Variants in DHX29 observed in about 807,000 individuals in gnomAD.
DHX29 encodes ATP-dependent RNA helicase DHX29.
DHX29 carries 79 observed loss-of-function variants against 167.9 expected under a neutral mutation model. The observed-to-expected ratio is 0.47, with a 90% CI of 0.39 to 0.57. The LOEUF is 0.57. Among genes scored for constraint, DHX29 ranks in the 20% least tolerant of loss-of-function variants. DHX29 has a pLI of 0.00. For missense variants in DHX29, 1,347 were observed against 1,593.4 expected, an observed-to-expected ratio of 0.85 and a Z score of 2.63; for synonymous variants, 530 against 546.0, an observed-to-expected ratio of 0.97 and a Z score of 0.41.
At chr5:55,266,668 C>A (rs751668980) in intron 23 of DHX29, among the ~76,000 whole-genome samples, 5 of 151,794 alleles carry the variant, frequency 3.3e-5, no homozygotes, top group Non-Finnish European at 5.9e-5. Flanking sequence ...TCACTCTGTA[C>A]ATAGTGGTAC....
At chr5:55,287,135 C>T (rs938431692) in intron 8 of DHX29, among the ~76,000 whole-genome samples, 1 of 152,164 alleles carries the variant, frequency 6.6e-6, no homozygotes, top group Non-Finnish European at 1.5e-5. Flanking sequence ...TTGTTCATTA[C>T]TGAACACACA....
intron 5 of DHX29, among the ~76,000 whole-genome samples, chr5:55,294,570 G>A (rs546637399): frequency 6.6e-6 from 1 of 152,218 alleles, no homozygotes; most frequent in African/African-American, 2.4e-5. Flanking sequence ...AGCTACTCGG[G>A]AGGCTGAGGC....
At chr5:55,304,568 G>A (rs1284918563) in intron 1 of DHX29, among the ~76,000 whole-genome samples, 2 of 151,914 alleles carry the variant, frequency 1.3e-5, no homozygotes, top group Non-Finnish European at 2.9e-5. Flanking sequence ...CCAAAGTGCT[G>A]GGATTACAAG....
At chr5:55,290,450 C>T in intron 6 of DHX29, 106 bp from the exon 7 acceptor site, 9 of 1,324,436 alleles carry the variant, frequency 6.8e-6, no homozygotes, top group Non-Finnish European at 9.1e-6. Context: ...TTACCTTATC[C>T]TTTGATCCAG....
In DHX29 at chr5:55,307,676, G is replaced by A; in HGVS notation, c.-103C>T. 6.9e-7 allele frequency: 1 copy of A among 1,449,310 alleles called. No homozygotes were observed. The highest frequency in any genetic ancestry group is 1.4e-5 in the African/African-American group (1 of 70,380). 89.8% of individuals were successfully genotyped at this position (1,449,310 alleles called of 1,614,324 possible). A position where few individuals can be genotyped will look rare whatever the true frequency, so the allele number is the denominator to read the frequency against. Reference sequence around the variant, plus strand: ...CCCGGCTCCGGGGCTGCCACCCTGCGCTTCGATCCGGGCTTCTCGGGCCGG... The same window carrying A: ...CCCGGCTCCGGGGCTGCCACCCTGCACTTCGATCCGGGCTTCTCGGGCCGG... On this transcript the variant is annotated 5_prime_UTR_variant, in exon 1 of 27. Coordinates refer to ENST00000251636, the MANE Select transcript of DHX29 (RefSeq NM_019030.4).
intron 8 of DHX29, among the ~76,000 whole-genome samples, chr5:55,286,537 G>A (rs943281152): frequency 6.6e-6 from 1 of 152,094 alleles, no homozygotes; most frequent in African/African-American, 2.4e-5. Flanking sequence ...GTCTGCCACC[G>A]GCACCAGCAC....
chr5:55,272,853 G>C (rs1297425232), intron 17 of DHX29, among the ~76,000 whole-genome samples: 1 of 152,130 alleles, frequency 6.6e-6, no homozygotes, highest in Admixed American at 6.5e-5. Context: ...ATGAGAACTA[G>C]GTTGTTGTCC....
At chr5:55,297,168 T>C in intron 3 of DHX29, 117 bp downstream of exon 3, 1 of 609,508 alleles carries the variant, frequency 1.6e-6, no homozygotes, top group Non-Finnish European at 2.9e-6. Context: ...TTCTTAGAGA[T>C]GGAAATGATC....
At chr5:55,285,522 A>AT in intron 9 of DHX29, 106 bp from the exon 10 acceptor site, 1 of 1,292,158 alleles carries the variant, frequency 7.7e-7, no homozygotes, top group Non-Finnish European at 1.1e-6. Flanking sequence ...TTATTTAAAT[A>AT]TTTCCATGGA....
At position 55,307,385 on chromosome 5, in the gene DHX29, A is replaced by G. The variant is rs765410628; in HGVS notation, c.187+2T>C. The G allele has an allele frequency of 6.2e-7, 1 of 1,612,544 alleles. No individual in the cohort carries two copies. On this transcript the variant is annotated splice_donor_variant, in intron 1 of 26. Transcript: ENST00000251636. LOFTEE classifies it high-confidence loss of function. ...AGCCAGGGGCTGGGGGACCTCTCGT[A>G]CCTTGCTTGACACGGGGCTCCCTGG...
At chr5:55,296,137 G>C in intron 4 of DHX29, 83 bp downstream of exon 4, 1 of 1,363,214 alleles carries the variant, frequency 7.3e-7, no homozygotes, top group Non-Finnish European at 9.8e-7. Flanking sequence ...GAAAAAATAT[G>C]AGTATGAGCC....
chr5:55,264,277 T>C (rs1008242986), intron 23 of DHX29, among the ~76,000 whole-genome samples: 2 of 152,190 alleles, frequency 1.3e-5, no homozygotes, highest in Non-Finnish European at 2.9e-5. Flanking sequence ...TTCTACTCTC[T>C]CTCTTCCCAG....
intron 3 of DHX29, 116 bp from the exon 4 acceptor site, chr5:55,296,465 T>C (rs1354427903): frequency 1.6e-6 from 2 of 1,268,556 alleles, no homozygotes; most frequent in African/African-American, 1.5e-5. Flanking sequence ...TTCAAAACTA[T>C]CTTTTTTTTC....
At chr5:55,284,519 C>A (rs1181813527) in intron 10 of DHX29, among the ~76,000 whole-genome samples, 1 of 152,060 alleles carries the variant, frequency 6.6e-6, no homozygotes, top group Non-Finnish European at 1.5e-5. Flanking sequence ...CTTTTACTGG[C>A]AGAAATAGGA....
In DHX29 at chr5:55,283,579, T is replaced by A. The variant is rs749701861; in HGVS notation, c.1589A>T (p.Asp530Val). ...PEESWENLVS[D>V]EDFSALSLES... is the part of the protein sequence containing the mutation. ...CAAGGACAGTGCAGAAAAATCCTCATCCGAAACTAAATTTTCCCAAGATTC... is the reference window on the plus strand; with the variant it reads ...CAAGGACAGTGCAGAAAAATCCTCAACCGAAACTAAATTTTCCCAAGATTC... The change falls in exon 11 of 27, where the codon GAT (aspartate) becomes GTT (valine). Residue 530 changes from aspartate to valine, a missense_variant. By Grantham distance (152) the Asp-to-Val change is radical (BLOSUM62 -3). Coordinates refer to ENST00000251636, the MANE Select transcript of DHX29 (RefSeq NM_019030.4). 1.9e-6 allele frequency: 3 copies of A among 1,614,190 alleles called. No individual in the cohort carries two copies. In the South Asian group the frequency reaches 3.3e-5, roughly 18 times the overall value.
chr5:55,279,910 T>C (rs1334905346), intron 12 of DHX29, among the ~76,000 whole-genome samples: 1 of 151,518 alleles, frequency 6.6e-6, no homozygotes, highest in Non-Finnish European at 1.5e-5. Flanking sequence ...GGATAGAACA[T>C]AAAATAGAGC....
chr5:55,301,297 G>A lies in DHX29; in HGVS notation c.188-2633C>T, dbSNP rs905950468. Among the ~76,000 whole-genome samples the A allele has an allele frequency of 1.1e-4, 17 of 152,136 alleles. 1 individual carries two copies. The highest frequency in any genetic ancestry group is 4.1e-4 in the South Asian group (2 of 4,832). On this transcript the variant is annotated intron_variant, in intron 1 of 26. Transcript: ENST00000251636. ...ACTGCATAATCATGAGAAAATGAGC[G>A]TGAAAAATGGCAAAAACATCTCAGA...
chr5:55,304,309 CTTTT>C (rs397882409), intron 1 of DHX29, among the ~76,000 whole-genome samples: 6 of 112,644 alleles, frequency 5.3e-5, no homozygotes, highest in Admixed American at 4.7e-4. Flanking sequence ...TCAAATGTCA[CTTTT>C]TTTTTTTTTT....
chr5:55,299,844 C>G (rs1301832586), intron 1 of DHX29, among the ~76,000 whole-genome samples: 1 of 152,146 alleles, frequency 6.6e-6, no homozygotes, highest in African/African-American at 2.4e-5. Context: ...CTCACTCAAC[C>G]CACTACAGTT....
Sources: gnomAD v4.1 joint callset for allele counts (sites outside exome capture counted in the v4.1 genomes callset) on GRCh38, gnomAD v4.1.1 for gene constraint, MANE v1.5 for transcripts, NCBI Gene and HGNC (gene_info 2026-07-23, HGNC 2026-07-21) for gene names.